Variants in DAB1 observed in about 807,000 individuals in gnomAD.
The protein encoded by DAB1 is disabled homolog 1.
A neutral mutation model predicts 64.6 loss-of-function variants in DAB1; 15 were observed. The ratio of observed to expected loss-of-function variants is 0.23; its 90% CI spans 0.16 to 0.36. The LOEUF (loss-of-function observed/expected upper bound fraction) is 0.36. Ranked by LOEUF, DAB1 falls within the 10% of genes least tolerant of loss-of-function variation. DAB1 has a pLI of 1.00. For synonymous variants in DAB1, 235 were observed against 251.9 expected (o/e 0.93, Z 0.64); for missense variants, 596 against 706.7 (o/e 0.84, Z 1.78).
chr1:58,106,528 T>C (rs1408020026), intron 5 of DAB1, among the ~76,000 whole-genome samples: 9 of 152,206 alleles, frequency 5.9e-5, no homozygotes, highest in Admixed American at 6.5e-5. Context: ...GGAGTAGATA[T>C]GATTAGCTCC....
chr1:58,058,950 A>G (rs1259099269), intron 5 of DAB1, among the ~76,000 whole-genome samples: 1 of 152,188 alleles, frequency 6.6e-6, no homozygotes, highest in Admixed American at 6.5e-5. Flanking sequence ...GCCTTCAGGT[A>G]GGAACACACC....
At chr1:57,432,128 A>C (rs2101116786) in intron 7 of DAB1, among the ~76,000 whole-genome samples, 1 of 152,194 alleles carries the variant, frequency 6.6e-6, no homozygotes, top group East Asian at 1.9e-4. Flanking sequence ...AAAAAAAAAA[A>C]AAAAGAATGA....
chr1:57,729,775 T>C (rs1647330251), intron 6 of DAB1, among the ~76,000 whole-genome samples: 1 of 152,182 alleles, frequency 6.6e-6, no homozygotes, highest in African/African-American at 2.4e-5. Flanking sequence ...TATAAGAACC[T>C]TATGTCCAGG....
chr1:57,426,876 T>TATATATATA (rs1383757354), upstream of DAB1, among the ~76,000 whole-genome samples: 1,340 of 135,004 alleles, frequency 9.9e-3, 24 homozygotes, highest in African/African-American at 0.037. Context: ...ATATATATAT[T>TATATATATA]TTTTTGAGAC....
chr1:58,072,527 C>A (rs1371598088), intron 5 of DAB1, among the ~76,000 whole-genome samples: 1 of 152,152 alleles, frequency 6.6e-6, no homozygotes, highest in Admixed American at 6.5e-5. Context: ...AAGACCTCAC[C>A]CACAGAGTTG....
chr1:58,523,638 A>G (rs6686976), intron 2 of DAB1, among the ~76,000 whole-genome samples: 20,977 of 152,090 alleles, frequency 0.14, 1,622 homozygotes, highest in African/African-American at 0.21. Flanking sequence ...AGTGGCTCAC[A>G]CCTGTAATCC....
chr1:57,360,575 G>A (rs187420213), intron 1 of DAB1, among the ~76,000 whole-genome samples: 65 of 152,178 alleles, frequency 4.3e-4, no homozygotes, highest in African/African-American at 1.5e-3. Flanking sequence ...CATGTAAAGG[G>A]TCTCTAGGGA....
intron 1 of DAB1, among the ~76,000 whole-genome samples, chr1:57,858,772 T>C (rs1029768212): frequency 6.7e-6 from 1 of 149,876 alleles, no homozygotes; most frequent in South Asian, 2.2e-4. Flanking sequence ...AGTGAGACAA[T>C]GGCCAAAAGG....
At chr1:57,845,555 G>A (rs1653243011) in intron 1 of DAB1, among the ~76,000 whole-genome samples, 1 of 152,158 alleles carries the variant, frequency 6.6e-6, no homozygotes, top group South Asian at 2.1e-4. Context: ...TTGGGCAAGT[G>A]ACAACCTTTT....
chr1:57,311,630 A>T (rs1279409426), intron 1 of DAB1, among the ~76,000 whole-genome samples: 1 of 152,132 alleles, frequency 6.6e-6, no homozygotes. Flanking sequence ...CCTTGCTCCC[A>T]ATAAATGAAG....
intron 7 of DAB1, among the ~76,000 whole-genome samples, chr1:57,517,976 A>G (rs1387091912): frequency 6.6e-6 from 1 of 152,168 alleles, no homozygotes; most frequent in East Asian, 1.9e-4. Context: ...CTCTGTTGTC[A>G]CACCACCAGT....
chr1:57,425,033 G>A (rs965379068), upstream of DAB1, among the ~76,000 whole-genome samples: 9 of 152,186 alleles, frequency 5.9e-5, no homozygotes, highest in Non-Finnish European at 1.0e-4. Context: ...CCAAGTCGCA[G>A]AAAATATTGG....
At chr1:58,533,655 A>G (rs1489822668) in intron 1 of DAB1, among the ~76,000 whole-genome samples, 1 of 152,178 alleles carries the variant, frequency 6.6e-6, no homozygotes, top group Non-Finnish European at 1.5e-5. Context: ...ATAATTATAG[A>G]AAGTTTAAAA....
At chr1:57,856,689 G>T (rs1476362975) in intron 1 of DAB1, among the ~76,000 whole-genome samples, 3 of 152,038 alleles carry the variant, frequency 2.0e-5, no homozygotes, top group African/African-American at 4.8e-5. Flanking sequence ...ACTTGAACCT[G>T]GGAGGTAGAG....
At chr1:58,249,984 G>A (rs1312456996) in intron 4 of DAB1, among the ~76,000 whole-genome samples, 6 of 152,318 alleles carry the variant, frequency 3.9e-5, no homozygotes, top group African/African-American at 7.2e-5. Flanking sequence ...CAGCCGCCGC[G>A]GCAGCCGCTG....
intron 4 of DAB1, among the ~76,000 whole-genome samples, chr1:57,082,121 G>T (rs1018298035): frequency 6.6e-6 from 1 of 152,178 alleles, no homozygotes; most frequent in Non-Finnish European, 1.5e-5. Flanking sequence ...CCTATCTAGT[G>T]AGAGAATCAG....
intron 6 of DAB1, among the ~76,000 whole-genome samples, chr1:57,775,251 G>T (rs79234073): frequency 6.6e-6 from 1 of 151,000 alleles, no homozygotes; most frequent in Non-Finnish European, 1.5e-5. Flanking sequence ...TTGTTTGCCT[G>T]GTTTCTGTTT....
intron 7 of DAB1, among the ~76,000 whole-genome samples, chr1:57,439,421 T>TTTTTTTTTTTTTTTTTTTTG (rs1558381279): frequency 2.5e-5 from 3 of 118,936 alleles, no homozygotes; most frequent in South Asian, 2.9e-4. Flanking sequence ...TGATGAGGTT[T>TTTTTTTTTTTTTTTTTTTTG]TTTCTTTTTT....
intron 5 of DAB1, among the ~76,000 whole-genome samples, chr1:58,125,956 AAGG>A (rs1653049323): frequency 1.3e-5 from 2 of 151,992 alleles, no homozygotes; most frequent in Admixed American, 1.3e-4. Context: ...CCCCAGGAGG[AAGG>A]AGAAGGGGAC....
Sources: allele counts gnomAD v4.1 joint callset (sites outside exome capture counted in the v4.1 genomes callset), GRCh38; gene constraint gnomAD v4.1.1; transcripts MANE v1.5; gene names NCBI Gene and HGNC (gene_info 2026-07-23, HGNC 2026-07-21).